PLPPR1: variants seen among roughly 807,000 people sequenced by gnomAD.
PLPPR1 encodes phospholipid phosphatase related 1.
In PLPPR1, 10 loss-of-function variants were observed where a neutral mutation model predicts 33.1. The ratio of observed to expected loss-of-function variants is 0.30; its 90% CI spans 0.19 to 0.51. The LOEUF is 0.51. Ranked by LOEUF, PLPPR1 falls within the 20% of genes least tolerant of loss-of-function variation. PLPPR1 has a pLI of 0.97. For synonymous variants in PLPPR1, 151 were observed against 151.0 expected, an observed-to-expected ratio of 1.00 and a Z score of 0.00; for missense variants, 304 against 408.1, an observed-to-expected ratio of 0.74 and a Z score of 2.20.
At chr9:101,301,806 CAT>C (rs1467970583) in intron 4 of PLPPR1, among the ~76,000 whole-genome samples, 2 of 152,180 alleles carry the variant, frequency 1.3e-5, no homozygotes, top group Non-Finnish European at 2.9e-5. Flanking sequence ...GATGACATAT[CAT>C]AGATATTCAA....
At chr9:101,277,398 G>A (rs1052812467) in intron 3 of PLPPR1, among the ~76,000 whole-genome samples, 1 of 152,180 alleles carries the variant, frequency 6.6e-6, no homozygotes, top group Non-Finnish European at 1.5e-5. Context: ...GGGGTAGGCT[G>A]TGTCTACTTT....
At chr9:101,109,125 AT>A (rs1831017261) in intron 1 of PLPPR1, among the ~76,000 whole-genome samples, 1 of 125,592 alleles carries the variant, frequency 8.0e-6, no homozygotes, top group Non-Finnish European at 1.6e-5. Context: ...CGCCTGGCTA[AT>A]TTTTTGTATT....
intron 1 of PLPPR1, among the ~76,000 whole-genome samples, chr9:101,167,142 G>GTGTGTGTA (rs1491506451): frequency 1.2e-4 from 1 of 8,642 alleles, no homozygotes; most frequent in African/African-American, 4.8e-4. Context: ...ATGTCTCTCG[G>GTGTGTGTA]TGTGTGTGTG....
In PLPPR1 at chr9:101,207,025, A is replaced by T. The variant is rs567577806; in HGVS notation, c.63+21468A>T. ...GAATATAAACATGCAATAAGTACTA[A>T]GATATTTTTCCTCTGTGATTTGCAT... On this transcript the variant is annotated intron_variant, in intron 2 of 7. Coordinates refer to ENST00000374874, the MANE Select transcript of PLPPR1 (RefSeq NM_207299.2). 1.1e-4 allele frequency among the ~76,000 whole-genome samples: 17 copies of T among 152,262 alleles called. 1 individual carries two copies. The South Asian group carries it at 3.5e-3, about 32-fold the overall frequency.
intron 2 of PLPPR1, among the ~76,000 whole-genome samples, chr9:101,235,990 G>A (rs1269738050): frequency 1.3e-5 from 2 of 151,722 alleles, no homozygotes; most frequent in African/African-American, 4.8e-5. Context: ...TGTAATTCCT[G>A]TTACATTATA....
At chr9:101,056,092 G>T (rs1303848176) in intron 1 of PLPPR1, among the ~76,000 whole-genome samples, 1 of 152,102 alleles carries the variant, frequency 6.6e-6, no homozygotes, top group Admixed American at 6.6e-5. Flanking sequence ...TAATCCTTTG[G>T]TATTCTGGGG....
intron 1 of PLPPR1, among the ~76,000 whole-genome samples, chr9:101,084,072 C>A (rs1830650469): frequency 6.6e-6 from 1 of 152,178 alleles, no homozygotes; most frequent in African/African-American, 2.4e-5. Flanking sequence ...AAGCTTTGCA[C>A]ACAAGGGGAC....
chr9:101,200,051 G>T (rs1420744397), intron 2 of PLPPR1, among the ~76,000 whole-genome samples: 1 of 152,144 alleles, frequency 6.6e-6, no homozygotes, highest in Non-Finnish European at 1.5e-5. Flanking sequence ...GGAACAGATA[G>T]GATTCTCTGT....
chr9:101,244,741 C>A (rs1316036412), intron 2 of PLPPR1, among the ~76,000 whole-genome samples: 2 of 151,436 alleles, frequency 1.3e-5, no homozygotes, highest in African/African-American at 4.8e-5. Context: ...AATGTTAAAA[C>A]CAAAAATTTT....
In PLPPR1 at chr9:101,235,957, C is replaced by G. The variant is rs2118831760; in HGVS notation, c.64-33923C>G. On this transcript the variant is annotated intron_variant, in intron 2 of 7. Coordinates refer to ENST00000374874, the MANE Select transcript of PLPPR1 (RefSeq NM_207299.2). ...AGCTTTATACCTGACAAAATGGGAA[C>G]CAGAACTATTTGATTATAGTAATGT... Among the ~76,000 whole-genome samples, 2 of 151,838 alleles carry G rather than the reference C, an allele frequency of 1.3e-5. 1 individual carries two copies. The highest frequency in any genetic ancestry group is 4.1e-4 in the South Asian group (2 of 4,828).
intron 2 of PLPPR1, among the ~76,000 whole-genome samples, chr9:101,225,564 G>A (rs573164587): frequency 2.7e-4 from 41 of 152,208 alleles, no homozygotes; most frequent in Admixed American, 8.5e-4. Flanking sequence ...CTGTGCAGCT[G>A]AACACGAAGC....
In PLPPR1 at chr9:101,044,346, A is replaced by C. The variant is rs146422002; in HGVS notation, c.-46+15244A>C. Among the ~76,000 whole-genome samples, 53 of 152,076 alleles carry C rather than the reference A, an allele frequency of 3.5e-4. 1 individual carries two copies. The highest frequency in any genetic ancestry group is 1.3e-3 in the African/African-American group (52 of 41,466). ...TAGACAACTTTGCAGTTCATACACG[A>C]CTCCCTGAAAGAGAACACAGAAAAC... On this transcript the variant is annotated intron_variant, in intron 1 of 7. Coordinates refer to ENST00000374874, the MANE Select transcript of PLPPR1 (RefSeq NM_207299.2).
At chr9:101,059,722 A>C (rs973409575) in intron 1 of PLPPR1, among the ~76,000 whole-genome samples, 2 of 152,116 alleles carry the variant, frequency 1.3e-5, no homozygotes, top group South Asian at 4.1e-4. Context: ...AAAATGCTGA[A>C]TATCACTGAT....
At chr9:101,147,656 A>G (rs1051515213) in intron 1 of PLPPR1, among the ~76,000 whole-genome samples, 2 of 152,204 alleles carry the variant, frequency 1.3e-5, no homozygotes, top group African/African-American at 4.8e-5. Flanking sequence ...GTGACTGTGC[A>G]GGAAACCAGC....
intron 2 of PLPPR1, among the ~76,000 whole-genome samples, chr9:101,252,469 T>G (rs2118867527): frequency 6.6e-6 from 1 of 152,262 alleles, no homozygotes; most frequent in East Asian, 1.9e-4. Context: ...TGCAGGATCC[T>G]TAAATGTGTT....
intron 1 of PLPPR1, among the ~76,000 whole-genome samples, chr9:101,089,288 TATAGATAGATAG>T (rs60312729): frequency 3.8e-4 from 57 of 150,256 alleles, no homozygotes; most frequent in South Asian, 1.1e-3. Flanking sequence ...AAAGCTAGAA[TATAGATAGATAG>T]ATAGATAGAT....
rs188543531 is a variant in PLPPR1 at position 101,193,130 on chromosome 9, A to G, written c.63+7573A>G. On this transcript the variant is annotated intron_variant, in intron 2 of 7. Transcript: ENST00000374874. ...GTCCACTCTTAAATTGTCACAAAGA[A>G]GAGAAGAGAATGTAGGACTAAGAAA... is the stretch of plus-strand genomic sequence containing the variant. Among the ~76,000 whole-genome samples the G allele has an allele frequency of 2.0e-5, 3 of 152,302 alleles. No homozygotes were observed. The East Asian group carries it at 5.8e-4, about 29-fold the overall frequency.
intron 2 of PLPPR1, among the ~76,000 whole-genome samples, chr9:101,216,085 G>C (rs188539327): frequency 6.6e-6 from 1 of 152,100 alleles, no homozygotes; most frequent in African/African-American, 2.4e-5. Context: ...TGTAGTGGTT[G>C]TACTAATTTA....
chr9:101,303,965 T>C (rs1828798684), intron 4 of PLPPR1, among the ~76,000 whole-genome samples: 1 of 152,250 alleles, frequency 6.6e-6, no homozygotes, highest in South Asian at 2.1e-4. Context: ...CTTGAGTTTC[T>C]TGTGCTTCAC....
Sources: allele counts gnomAD v4.1 joint callset (sites outside exome capture counted in the v4.1 genomes callset), GRCh38; gene constraint gnomAD v4.1.1; transcripts MANE v1.5; gene names NCBI Gene and HGNC (gene_info 2026-07-23, HGNC 2026-07-21).